ZFHX4: variants seen among roughly 807,000 people sequenced by gnomAD.
ZFHX4 encodes zinc finger homeobox 4.
A neutral mutation model predicts 267.6 loss-of-function variants in ZFHX4; 56 were observed. The observed-to-expected ratio is 0.21, with a 90% CI of 0.17 to 0.26. The LOEUF is 0.26. Among genes scored for constraint, ZFHX4 ranks in the 10% least tolerant of loss-of-function variants. The pLI is 1.00. For missense variants in ZFHX4, 4,332 were observed against 4,420.0 expected (o/e 0.98, Z 0.56); for synonymous variants, 1,778 against 1,665.6 (o/e 1.07, Z -1.64).
At chr8:76,778,467 T>A in intron 4 of ZFHX4, 28 bp downstream of exon 4, 1 of 1,568,646 alleles carries the variant, frequency 6.4e-7, no homozygotes, top group Non-Finnish European at 8.8e-7. Context: ...GGGCTGTCTC[T>A]GAGCCTCCCT....
intron 4 of ZFHX4, among the ~76,000 whole-genome samples, chr8:76,814,758 C>G (rs1220596860): frequency 6.6e-6 from 1 of 152,240 alleles, no homozygotes; most frequent in Admixed American, 6.5e-5. Context: ...GTGGACAAAC[C>G]TCCTTTCCCC....
chr8:76,732,474 A>AAT (rs1372140440), intron 3 of ZFHX4, among the ~76,000 whole-genome samples: 3 of 151,776 alleles, frequency 2.0e-5, no homozygotes, highest in African/African-American at 4.8e-5. Context: ...ACATTATTAT[A>AAT]ATATATATAT....
chr8:76,728,273 G>A (rs1301971273), intron 3 of ZFHX4, among the ~76,000 whole-genome samples: 1 of 152,206 alleles, frequency 6.6e-6, no homozygotes, highest in African/African-American at 2.4e-5. Flanking sequence ...GTTAAATCAT[G>A]TTGTGGAGGT....
intron 3 of ZFHX4, among the ~76,000 whole-genome samples, chr8:76,760,304 G>A (rs557153785): frequency 7.9e-5 from 12 of 152,144 alleles, no homozygotes; most frequent in African/African-American, 2.2e-4. Context: ...TGTGGATTGC[G>A]GCCTTTGAGC....
chr8:76,711,159 A>C (rs1458364269), intron 3 of ZFHX4, among the ~76,000 whole-genome samples: 1 of 152,166 alleles, frequency 6.6e-6, no homozygotes, highest in Non-Finnish European at 1.5e-5. Context: ...TGATGACTGC[A>C]AAAACAAACA....
chr8:76,855,663 A>T lies in ZFHX4; in HGVS notation c.8742A>T (p.Gly2914=). 6.2e-7 allele frequency: 1 copy of T among 1,613,916 alleles called. No homozygotes were observed. Among genetic ancestry groups the T allele is most frequent in the Non-Finnish European group, 8.5e-7 (1 of 1,179,870 alleles). The change falls in exon 10 of 11, where the codon GGA becomes GGT. Residue 2914 remains glycine (G), a synonymous_variant. Transcript: ENST00000651372. ...IADPSSPNPF[G]SSNPFKSKSN... ...ACCCGAGCTCCCCAAATCCATTCGG[A>T]TCCAGCAATCCCTTTAAATCCAAAA...
rs559223731 is a variant in ZFHX4 at position 76,783,344 on chromosome 8, C to T, written c.3325+4905C>T. 4.6e-5 allele frequency among the ~76,000 whole-genome samples: 7 copies of T among 151,950 alleles called. No homozygotes were observed. The East Asian group carries it at 5.8e-4, about 13-fold the overall frequency. ...CGTTTAAAATAAAAATAATTTTGCT[C>T]GGTTGCTTTCTGATTTTGTTTCTCC... On this transcript the variant is annotated intron_variant, in intron 4 of 10. Coordinates refer to ENST00000651372, the MANE Select transcript of ZFHX4 (RefSeq NM_024721.5).
At chr8:76,715,860 A>C (rs1808557006) in intron 3 of ZFHX4, among the ~76,000 whole-genome samples, 1 of 152,124 alleles carries the variant, frequency 6.6e-6, no homozygotes, top group Non-Finnish European at 1.5e-5. Flanking sequence ...TTTCCTATAG[A>C]CTTTATTTCA....
In ZFHX4 at chr8:76,853,838, G is replaced by T; in HGVS notation, c.6917G>T (p.Arg2306Leu). 1 of 1,613,772 alleles carries T rather than the reference G, an allele frequency of 6.2e-7. No homozygotes were observed. The highest frequency in any genetic ancestry group is 1.1e-5 in the South Asian group (1 of 91,050). ...GAACTCACTAATGAACGGTACATTC[G>T]AACAAGCAACATGCAGTACCAGTGT... Reference protein sequence around the residue: ...KRELTNERYIRTSNMQYQCKK... With the variant: ...KRELTNERYILTSNMQYQCKK... Residue 2306 changes from arginine to leucine, a missense_variant, in exon 10 of 11, where the codon CGA becomes CTA. Transcript: ENST00000651372.
intron 4 of ZFHX4, among the ~76,000 whole-genome samples, chr8:76,794,138 A>G (rs1810910928): frequency 1.3e-5 from 2 of 152,200 alleles, no homozygotes; most frequent in African/African-American, 2.4e-5. Flanking sequence ...TCAGCTATAA[A>G]TATGTACATG....
rs1035160130 is a variant in ZFHX4, at chr8:76,855,960, G to A, written c.9039G>A (p.Gly3013=). Residue 3013 remains glycine (G), a synonymous_variant, in exon 10 of 11, where the codon GGG becomes GGA. Transcript: ENST00000651372. ...CCAAACCAGAGTGTACCCTCTGCGG[G>A]GTGAAGTACTCTGCCCGCTTGTCCA... The part of the protein sequence containing the change: ...EGTKPECTLC[G]VKYSARLSIR... 3.1e-6 allele frequency: 5 copies of A among 1,613,808 alleles called. No individual in the cohort carries two copies. In the African/African-American group the frequency reaches 5.3e-5, roughly 17 times the overall value.
Position 76,863,498 on chromosome 8 carries a change from T to G in ZFHX4, c.9784T>G (p.Phe3262Val). ...GDPASFIGGQFLPYFIPGFAS... is the reference protein window; with the variant it reads ...GDPASFIGGQVLPYFIPGFAS... Reference sequence around the variant, plus strand: ...CCCAGCTTCCTTTATAGGCGGACAGTTCTTGCCATACTTTATCCCTGGGTT... The same window carrying G: ...CCCAGCTTCCTTTATAGGCGGACAGGTCTTGCCATACTTTATCCCTGGGTT... Residue 3262 changes from phenylalanine to valine, a missense_variant, in exon 11 of 11, where the codon TTC becomes GTC. By Grantham distance (50) the Phe-to-Val change is conservative. Around this residue, in one of 7 missense-constraint regions of ZFHX4, gnomAD observed 1,648 missense variants for 1,625.0 expected, o/e 1.01. Coordinates refer to ENST00000651372, the MANE Select transcript of ZFHX4 (RefSeq NM_024721.5). 1 of 1,613,726 alleles carries G rather than the reference T, an allele frequency of 6.2e-7. No homozygotes were observed. Among genetic ancestry groups the G allele is most frequent in the East Asian group, 2.2e-5 (1 of 44,878 alleles).
chr8:76,849,232 A>G (rs1360985943), intron 7 of ZFHX4, 104 bp downstream of exon 7: 1 of 1,312,796 alleles, frequency 7.6e-7, no homozygotes, highest in Non-Finnish European at 1.0e-6. Context: ...GTATGTAGAC[A>G]TTGCAATTGG....
rs561513244 is a variant in ZFHX4, at chr8:76,855,623, C to A, written c.8702C>A (p.Thr2901Lys). ...DPDDNADRSE[T>K]SSIADPSSPN... ...GATGACAACGCCGACCGCAGCGAAA[C>A]GTCCAGCATAGCGGACCCGAGCTCC... The change falls in exon 10 of 11, where the codon ACG (threonine) becomes AAG (lysine). Residue 2901 changes from threonine (T) to lysine (K), a missense_variant. Thr to Lys is a moderately conservative substitution (Grantham distance 78, BLOSUM62 -1). Coordinates refer to ENST00000651372, the MANE Select transcript of ZFHX4 (RefSeq NM_024721.5). 4 of 1,613,734 alleles carry A rather than the reference C, an allele frequency of 2.5e-6. No individual in the cohort carries two copies. Among genetic ancestry groups the A allele is most frequent in the Non-Finnish European group, 1.7e-6 (2 of 1,179,730 alleles).
chr8:76,702,040 C>A (rs560906454), intron 1 of ZFHX4, among the ~76,000 whole-genome samples: 11 of 152,026 alleles, frequency 7.2e-5, no homozygotes, highest in Non-Finnish European at 1.2e-4. Context: ...GTTATTTGTG[C>A]AGAATTGGCA....
Position 76,706,124 on chromosome 8 carries a change from C to G in ZFHX4, c.2036C>G (p.Thr679Ser), listed in dbSNP as rs764109291. The change falls in exon 2 of 11, where the codon ACT (threonine) becomes AGT (serine). Residue 679 changes from threonine to serine, a missense_variant. Physicochemically the swap from Thr to Ser is moderately conservative, Grantham distance 58. Coordinates refer to ENST00000651372, the MANE Select transcript of ZFHX4 (RefSeq NM_024721.5). Reference sequence around the variant, plus strand: ...GGTGGCTCTTGTGTTTATTGTAAGACTGGACAGCCTCACCCCAGGCTTGCC... The same window carrying G: ...GGTGGCTCTTGTGTTTATTGTAAGAGTGGACAGCCTCACCCCAGGCTTGCC... ...EPGGSCVYCK[T>S]GQPHPRLARG... is the part of the protein sequence containing the mutation. The G allele has an allele frequency of 1.9e-6, 3 of 1,613,736 alleles. No homozygotes were observed. The highest frequency in any genetic ancestry group is 2.5e-6 in the Non-Finnish European group (3 of 1,179,834).
chr8:76,811,273 T>A (rs943474804), intron 4 of ZFHX4, among the ~76,000 whole-genome samples: 1 of 152,190 alleles, frequency 6.6e-6, no homozygotes, highest in African/African-American at 2.4e-5. Flanking sequence ...ACATTTAGCC[T>A]GAGACAGAAA....
At position 76,810,618 on chromosome 8, in the gene ZFHX4, T is replaced by G. The variant is rs150962692; in HGVS notation, c.3326-22720T>G. Among the ~76,000 whole-genome samples the G allele has an allele frequency of 6.3e-4, 96 of 152,286 alleles. 1 individual carries two copies. Among genetic ancestry groups the G allele is most frequent in the Non-Finnish European group, 8.5e-4 (58 of 68,010 alleles). The stretch of plus-strand genomic sequence containing the variant: ...GTCACGTTAGAAGGGTGTGTGTGAC[T>G]TTTTTACCCTTCGGCTTCTGTATGG... On this transcript the variant is annotated intron_variant, in intron 4 of 10. Transcript: ENST00000651372.
chr8:76,761,959 A>C (rs1809925378), intron 3 of ZFHX4, among the ~76,000 whole-genome samples: 2 of 152,214 alleles, frequency 1.3e-5, no homozygotes, highest in African/African-American at 4.8e-5. Flanking sequence ...ATACTCTAAA[A>C]ATTGAAAGGT....
Sources: allele counts gnomAD v4.1 joint callset (sites outside exome capture counted in the v4.1 genomes callset), GRCh38; gene constraint gnomAD v4.1.1; regional missense constraint gnomAD v4.1.1; transcripts MANE v1.5; gene names NCBI Gene and HGNC (gene_info 2026-07-23, HGNC 2026-07-21).